Variants in CNTNAP2 observed in about 807,000 individuals in gnomAD.
CNTNAP2 encodes the protein contactin-associated protein-like 2.
In CNTNAP2, 98 loss-of-function variants were observed where a neutral mutation model predicts 155.2. The observed-to-expected ratio is 0.63, with a 90% CI of 0.54 to 0.75. The LOEUF (loss-of-function observed/expected upper bound fraction) is 0.75. Among genes scored for constraint, CNTNAP2 ranks in the 30% least tolerant of loss-of-function variants. The pLI is 0.00. For synonymous variants in CNTNAP2, 651 were observed against 631.2 expected (o/e 1.03, Z -0.47); for missense variants, 1,727 against 1,688.1 (o/e 1.02, Z -0.40).
intron 1 of CNTNAP2, among the ~76,000 whole-genome samples, chr7:146,620,501 G>T (rs1030123815): frequency 6.6e-6 from 1 of 152,114 alleles, no homozygotes; most frequent in Non-Finnish European, 1.5e-5. Flanking sequence ...ACTGAGGGAG[G>T]TTAATCAGTA....
chr7:147,094,493 C>G (rs1044863543), intron 4 of CNTNAP2, among the ~76,000 whole-genome samples: 3 of 151,084 alleles, frequency 2.0e-5, no homozygotes, highest in Admixed American at 2.0e-4. Context: ...GCTCCGCCTC[C>G]TGGGTTCACG....
intron 11 of CNTNAP2, among the ~76,000 whole-genome samples, chr7:147,506,405 A>G (rs988613079): frequency 6.6e-6 from 1 of 152,014 alleles, no homozygotes; most frequent in African/African-American, 2.4e-5. Flanking sequence ...ACAGGCATGC[A>G]CCACCATGCC....
intron 9 of CNTNAP2, among the ~76,000 whole-genome samples, chr7:147,392,225 G>A (rs1796731421): frequency 6.6e-6 from 1 of 151,870 alleles, no homozygotes; most frequent in Admixed American, 6.6e-5. Flanking sequence ...CTTCTTTTAA[G>A]GCCTGTCCCG....
At chr7:147,902,748 T>C (rs991205668) in intron 13 of CNTNAP2, among the ~76,000 whole-genome samples, 1 of 152,016 alleles carries the variant, frequency 6.6e-6, no homozygotes, top group Non-Finnish European at 1.5e-5. Flanking sequence ...CATTTCTTTT[T>C]ATGGCTGAGT....
In CNTNAP2 at chr7:147,631,758, TG is replaced by T. The variant is rs540774497; in HGVS notation, c.1898-7345del. Among the ~76,000 whole-genome samples, 437 of 152,288 alleles carry T rather than the reference TG, an allele frequency of 2.9e-3. 4 individuals are homozygous for T. Among genetic ancestry groups the T allele is most frequent in the African/African-American group, 9.3e-3 (387 of 41,572 alleles). On this transcript the variant is annotated intron_variant, in intron 12 of 23. Coordinates refer to ENST00000361727, the MANE Select transcript of CNTNAP2 (RefSeq NM_014141.6). ...GGATACCCTATTCAACAAATGGTGC[TG>T]GGATAATTGGCAAGTCACATGTAGA... is the stretch of plus-strand genomic sequence containing the variant.
At chr7:146,589,080 C>T (rs1314897643) in intron 1 of CNTNAP2, among the ~76,000 whole-genome samples, 3 of 152,146 alleles carry the variant, frequency 2.0e-5, no homozygotes, top group Admixed American at 6.5e-5. Context: ...TTTCTTGTTA[C>T]TTATTTCACA....
chr7:146,488,823 G>A (rs1224460302), intron 1 of CNTNAP2, among the ~76,000 whole-genome samples: 4 of 151,996 alleles, frequency 2.6e-5, no homozygotes, highest in Admixed American at 6.6e-5. Context: ...GTTTCTCCAC[G>A]TTGCCCAGGC....
intron 8 of CNTNAP2, among the ~76,000 whole-genome samples, chr7:147,281,759 A>G (rs1805040127): frequency 6.6e-6 from 1 of 151,894 alleles, no homozygotes; most frequent in Non-Finnish European, 1.5e-5. Flanking sequence ...TACCTAATAA[A>G]TTGGTAAAAT....
chr7:148,310,145 C>A (rs1017747926), intron 21 of CNTNAP2, among the ~76,000 whole-genome samples: 1 of 152,088 alleles, frequency 6.6e-6, no homozygotes, highest in South Asian at 2.1e-4. Context: ...TATTAAAAGA[C>A]TAAGAATTGG....
chr7:146,875,679 G>T (rs1375457799), intron 3 of CNTNAP2, among the ~76,000 whole-genome samples: 1 of 151,378 alleles, frequency 6.6e-6, no homozygotes, highest in East Asian at 2.0e-4. Flanking sequence ...TTTGGCGGGG[G>T]GGCAAAGCCA....
intron 1 of CNTNAP2, among the ~76,000 whole-genome samples, chr7:146,407,874 A>G (rs1002997070): frequency 1.3e-5 from 2 of 151,980 alleles, no homozygotes; most frequent in African/African-American, 4.8e-5. Context: ...GACCTTTATG[A>G]TGATCCACTT....
intron 1 of CNTNAP2, among the ~76,000 whole-genome samples, chr7:146,681,148 T>C (rs1800494076): frequency 1.3e-5 from 2 of 151,388 alleles, no homozygotes; most frequent in South Asian, 4.2e-4. Context: ...TCAGAAAGCG[T>C]CACAGAAAAA....
chr7:147,923,132 C>T (rs905258166), intron 14 of CNTNAP2, among the ~76,000 whole-genome samples: 4 of 151,936 alleles, frequency 2.6e-5, no homozygotes, highest in African/African-American at 9.7e-5. Context: ...GAGATGAGAC[C>T]ACTGTCCATG....
chr7:146,395,017 C>T (rs1228524943), intron 1 of CNTNAP2, among the ~76,000 whole-genome samples: 1 of 152,142 alleles, frequency 6.6e-6, no homozygotes, highest in East Asian at 1.9e-4. Context: ...TGAGCTAGTT[C>T]ACCTCAATAA....
Position 147,622,156 on chromosome 7 carries a change from AAG to A in CNTNAP2, c.1898-16942_1898-16941del, listed in dbSNP as rs539097336. On this transcript the variant is annotated intron_variant, in intron 12 of 23. Transcript: ENST00000361727. The stretch of plus-strand genomic sequence containing the variant: ...TATAAAGCAAATATTATTAGAGCTA[AAG>A]AGAGAGATGGGCCCCAATACAATAA... 1.2e-4 allele frequency among the ~76,000 whole-genome samples: 19 copies of A among 152,108 alleles called. No individual in the cohort carries two copies. In the East Asian group the frequency reaches 1.7e-3, roughly 14 times the overall value.
intron 3 of CNTNAP2, among the ~76,000 whole-genome samples, chr7:146,946,778 T>A (rs1584740682): frequency 6.6e-6 from 1 of 152,104 alleles, no homozygotes; most frequent in Non-Finnish European, 1.5e-5. Flanking sequence ...GATGAATTCT[T>A]GGAAAGCATT....
At chr7:148,121,071 G>T (rs1023056311) in intron 16 of CNTNAP2, among the ~76,000 whole-genome samples, 2 of 151,730 alleles carry the variant, frequency 1.3e-5, no homozygotes, top group Non-Finnish European at 2.9e-5. Context: ...GTCTCGCTCT[G>T]TCGCCCAGGC....
intron 1 of CNTNAP2, among the ~76,000 whole-genome samples, chr7:146,503,617 G>A (rs1002353435): frequency 6.6e-5 from 10 of 152,136 alleles, no homozygotes; most frequent in Non-Finnish European, 1.5e-4. Context: ...TTTGTATATG[G>A]TGAGAGAATG....
At chr7:146,375,437 A>C (rs568645096) in intron 1 of CNTNAP2, among the ~76,000 whole-genome samples, 1 of 152,198 alleles carries the variant, frequency 6.6e-6, no homozygotes, top group South Asian at 2.1e-4. Context: ...CTGTCAGAGA[A>C]GGGATTAGTG....
Sources: allele counts gnomAD v4.1 joint callset (sites outside exome capture counted in the v4.1 genomes callset), GRCh38; gene constraint gnomAD v4.1.1; transcripts MANE v1.5; gene names NCBI Gene and HGNC (gene_info 2026-07-23, HGNC 2026-07-21).